Variants in GABRG1 observed in about 807,000 individuals in gnomAD.
The protein encoded by GABRG1 is gamma-aminobutyric acid type A receptor subunit gamma1, also known as gamma-aminobutyric acid receptor subunit gamma-1.
In GABRG1, 49 loss-of-function variants were observed where a neutral mutation model predicts 49.8. That is an observed-to-expected ratio of 0.98 (90% CI 0.78 to 1.25). The LOEUF (loss-of-function observed/expected upper bound fraction) is 1.25. Among genes scored for constraint, GABRG1 ranks in the 50% most tolerant of loss-of-function variants. The pLI is 0.00. For synonymous variants in GABRG1, 232 were observed against 185.1 expected, an observed-to-expected ratio of 1.25 and a Z score of -2.06; for missense variants, 552 against 552.3, an observed-to-expected ratio of 1.00 and a Z score of 0.01.
At chr4:46,067,539 T>C (rs996956516) in intron 3 of GABRG1, among the ~76,000 whole-genome samples, 2 of 152,146 alleles carry the variant, frequency 1.3e-5, no homozygotes, top group African/African-American at 2.4e-5. Flanking sequence ...TGCACAAAAA[T>C]GCTTGCATCA....
At chr4:46,042,240 C>T (rs1419268116) in intron 8 of GABRG1, among the ~76,000 whole-genome samples, 2 of 151,758 alleles carry the variant, frequency 1.3e-5, no homozygotes, top group African/African-American at 4.8e-5. Context: ...GCCTATATCA[C>T]AATTGATTAT....
At chr4:46,076,361 T>A (rs933123784) in intron 3 of GABRG1, among the ~76,000 whole-genome samples, 16 of 78,152 alleles carry the variant, frequency 2.0e-4, no homozygotes, top group African/African-American at 6.0e-4. Context: ...TAGGTCATGT[T>A]CATATATATA....
At chr4:46,070,880 G>C (rs1577646494) in intron 3 of GABRG1, among the ~76,000 whole-genome samples, 1 of 151,962 alleles carries the variant, frequency 6.6e-6, no homozygotes, top group South Asian at 2.1e-4. Flanking sequence ...AGGGTAAACT[G>C]TTTACTCAAA....
intron 3 of GABRG1, among the ~76,000 whole-genome samples, chr4:46,067,479 T>G (rs1457997676): frequency 6.6e-6 from 1 of 152,194 alleles, no homozygotes; most frequent in Non-Finnish European, 1.5e-5. Flanking sequence ...ATTTAACATC[T>G]ATATTATGTC....
intron 2 of GABRG1, among the ~76,000 whole-genome samples, chr4:46,092,234 GTTAA>G (rs1720016070): frequency 6.6e-6 from 1 of 151,986 alleles, no homozygotes; most frequent in Non-Finnish European, 1.5e-5. Flanking sequence ...ATTGGTATAA[GTTAA>G]TTGCTTTTAA....
chr4:46,072,909 C>G (rs567387037), intron 3 of GABRG1, among the ~76,000 whole-genome samples: 9 of 151,842 alleles, frequency 5.9e-5, no homozygotes, highest in Admixed American at 4.0e-4. Context: ...TAAAACGGAG[C>G]AGTTCTTAGT....
chr4:46,101,596 A>C (rs1720380762), intron 1 of GABRG1, among the ~76,000 whole-genome samples: 1 of 151,718 alleles, frequency 6.6e-6, no homozygotes, highest in South Asian at 2.1e-4. Context: ...AGGAATACAA[A>C]GACAAATGAA....
At chr4:46,081,942 C>T (rs1287327872) in intron 3 of GABRG1, among the ~76,000 whole-genome samples, 1 of 151,820 alleles carries the variant, frequency 6.6e-6, no homozygotes, top group African/African-American at 2.4e-5. Context: ...TCTTGGACTT[C>T]TGGCCTCTAT....
intron 8 of GABRG1, among the ~76,000 whole-genome samples, chr4:46,047,152 A>C: frequency 6.6e-6 from 1 of 152,054 alleles, no homozygotes; most frequent in Non-Finnish European, 1.5e-5. Flanking sequence ...AGCGCTACTA[A>C]GATACTGAAT....
intron 3 of GABRG1, among the ~76,000 whole-genome samples, chr4:46,066,107 T>C (rs1372850667): frequency 6.6e-6 from 1 of 152,172 alleles, no homozygotes; most frequent in East Asian, 1.9e-4. Context: ...CTTTATTATT[T>C]TTTATTTTTT....
chr4:46,093,539 G>A (rs1720069122), intron 2 of GABRG1, among the ~76,000 whole-genome samples: 1 of 151,924 alleles, frequency 6.6e-6, no homozygotes, highest in African/African-American at 2.4e-5. Flanking sequence ...TAGCATAGCA[G>A]GGTGACTACA....
chr4:46,116,011 T>C (rs1339832682), intron 1 of GABRG1, among the ~76,000 whole-genome samples: 1 of 150,830 alleles, frequency 6.6e-6, no homozygotes, highest in Non-Finnish European at 1.5e-5. Flanking sequence ...TTTTTGTAGC[T>C]TTTTGATTGA....
In GABRG1 at chr4:46,091,544, G is replaced by C. The variant is rs140801324; in HGVS notation, c.253+5657C>G. 2.2e-4 allele frequency among the ~76,000 whole-genome samples: 33 copies of C among 152,090 alleles called. 1 individual carries two copies. The East Asian group carries it at 6.4e-3, about 30-fold the overall frequency. ...ATAAATATAAGAAAATAGAAGAAAA[G>C]ATTGCAAATATTATAGTATACCTGA... On this transcript the variant is annotated intron_variant, in intron 2 of 8. Coordinates refer to ENST00000295452, the MANE Select transcript of GABRG1 (RefSeq NM_173536.4).
intron 1 of GABRG1, 120 bp from the exon 2 acceptor site, chr4:46,097,469 C>T: frequency 1.1e-6 from 1 of 896,134 alleles, no homozygotes; most frequent in African/African-American, 1.7e-5. Context: ...AAAGGTATTA[C>T]ACTAACATTA....
chr4:46,041,225 A>G lies in GABRG1; in HGVS notation c.1161T>C (p.Thr387=). The G allele has an allele frequency of 6.2e-7, 1 of 1,612,714 alleles. No individual in the cohort carries two copies. ...SMTPGLHPGS[T]LIPMNNISVP... ...CAGAAATATTATTCATTGGAATCAG[A>G]GTGGATCCAGGATGGAGACCAGGAG... Residue 387 remains threonine (T), a synonymous_variant, in exon 9 of 9, where the codon ACT becomes ACC. Transcript: ENST00000295452.
chr4:46,115,697 G>A (rs1295872994), intron 1 of GABRG1, among the ~76,000 whole-genome samples: 7 of 150,682 alleles, frequency 4.6e-5, no homozygotes, highest in Non-Finnish European at 7.5e-5. Flanking sequence ...TGGTAGGATT[G>A]AAGATATAGA....
At chr4:46,063,894 A>T (rs1384612284) in intron 5 of GABRG1, among the ~76,000 whole-genome samples, 10 of 152,136 alleles carry the variant, frequency 6.6e-5, no homozygotes, top group Non-Finnish European at 1.2e-4. Flanking sequence ...CGGTTTTTAT[A>T]CTCTAATTAT....
intron 2 of GABRG1, among the ~76,000 whole-genome samples, chr4:46,092,041 G>A (rs567879887): frequency 3.9e-5 from 6 of 151,928 alleles, no homozygotes; most frequent in Non-Finnish European, 7.4e-5. Context: ...GTTTGGAAAG[G>A]AAATAACAGG....
At chr4:46,078,120 CA>C (rs1719428298) in intron 3 of GABRG1, among the ~76,000 whole-genome samples, 1 of 151,198 alleles carries the variant, frequency 6.6e-6, no homozygotes, top group African/African-American at 2.4e-5. Context: ...AAATTAAAAC[CA>C]TAGTTTCAAG....
Sources: gnomAD v4.1 joint callset for allele counts (sites outside exome capture counted in the v4.1 genomes callset) on GRCh38, gnomAD v4.1.1 for gene constraint, MANE v1.5 for transcripts, NCBI Gene and HGNC (gene_info 2026-07-23, HGNC 2026-07-21) for gene names.